The following GDNF variants were observed in gnomAD, a reference collection of about 807,000 sequenced individuals.
GDNF encodes glial cell derived neurotrophic factor.
A neutral mutation model predicts 13.7 loss-of-function variants in GDNF; 5 were observed. The ratio of observed to expected loss-of-function variants is 0.36; its 90% CI spans 0.19 to 0.77. The LOEUF (loss-of-function observed/expected upper bound fraction) is 0.77, where lower values mean the gene tolerates loss of function less well. GDNF is among the 30% of genes least tolerant of loss of function. The pLI is 0.51. For missense variants in GDNF, 246 were observed against 274.3 expected, an observed-to-expected ratio of 0.90 and a Z score of 0.73; for synonymous variants, 122 against 112.5, an observed-to-expected ratio of 1.08 and a Z score of -0.53.
chr5:37,816,226 A>C, intron 2 of GDNF, 91 bp from the exon 3 acceptor site: 1 of 1,318,160 alleles, frequency 7.6e-7, no homozygotes, highest in South Asian at 1.2e-5. Context: ...AAAGTCAGCA[A>C]AAATTGGACC....
In GDNF at chr5:37,812,679, A is replaced by T. The variant is rs1358022324; in HGVS notation, c.*2972T>A. Reference sequence around the variant, plus strand: ...AAGGAAGTACAGAAGTACAGAGAGCAATAGAAATGAGTTTTTATTTGTAAA... The same window carrying T: ...AAGGAAGTACAGAAGTACAGAGAGCTATAGAAATGAGTTTTTATTTGTAAA... On this transcript the variant is annotated 3_prime_UTR_variant, in exon 3 of 3. Transcript: ENST00000326524. 1 of 152,244 alleles carries T rather than the reference A, an allele frequency of 6.6e-6. No individual in the cohort carries two copies. Among genetic ancestry groups the T allele is most frequent in the Non-Finnish European group, 1.5e-5 (1 of 68,058 alleles). The allele number at this position is 152,244 out of a possible 1,614,324, so 9.4% of individuals were successfully genotyped here.
intron 2 of GDNF, among the ~76,000 whole-genome samples, chr5:37,833,156 A>G (rs760125653): frequency 6.6e-6 from 1 of 152,232 alleles, no homozygotes; most frequent in Non-Finnish European, 1.5e-5. Flanking sequence ...AATCAGGCAC[A>G]GTCATTTTTC....
intron 2 of GDNF, among the ~76,000 whole-genome samples, chr5:37,822,384 C>A (rs1235246826): frequency 2.0e-5 from 3 of 152,188 alleles, no homozygotes; most frequent in Non-Finnish European, 4.4e-5. Context: ...AGGGTGAGGG[C>A]TAATGGGACC....
Position 37,815,954 on chromosome 5 carries a change from C to T in GDNF, c.333G>A (p.Gln111=). 1 of 1,614,172 alleles carries T rather than the reference C, an allele frequency of 6.2e-7. No homozygotes were observed. Among genetic ancestry groups the T allele is most frequent in the Non-Finnish European group, 8.5e-7 (1 of 1,180,012 alleles). The change falls in exon 3 of 3, where the codon CAG becomes CAA. Residue 111 remains glutamine, a synonymous_variant. Transcript: ENST00000326524. The surrounding 1 kb of genome is among the most constrained non-coding windows in gnomAD (Gnocchi z 5.0). Reference sequence around the variant, plus strand: ...AGACACAACCCCGGTTTTTGCCCCTCTGGCCTCTCCGACCTTTTCCTCTGG... The same window carrying T: ...AGACACAACCCCGGTTTTTGCCCCTTTGGCCTCTCCGACCTTTTCCTCTGG... ...ENSRGKGRRG[Q]RGKNRGCVLT...
chr5:37,830,927 C>A (rs1053970901), intron 2 of GDNF, among the ~76,000 whole-genome samples: 1 of 152,174 alleles, frequency 6.6e-6, no homozygotes, highest in Admixed American at 6.5e-5. Flanking sequence ...GTTCTGTGCC[C>A]TCCTTTTGCA....
Position 37,838,588 on chromosome 5 carries a change from G to A in GDNF, c.-27+919C>T, listed in dbSNP as rs1750789967. 6.6e-6 allele frequency among the ~76,000 whole-genome samples: 1 copy of A among 152,212 alleles called. No individual in the cohort carries two copies. The highest frequency in any genetic ancestry group is 2.4e-5 in the African/African-American group (1 of 41,454). ...GGGCGCGCACATGGGTCCTGGCGGCGGATTCTACCAAAGCCGAAACTAGCT... is the reference window on the plus strand; with the variant it reads ...GGGCGCGCACATGGGTCCTGGCGGCAGATTCTACCAAAGCCGAAACTAGCT... On this transcript the variant is annotated intron_variant, in intron 1 of 2. Coordinates refer to ENST00000326524, the MANE Select transcript of GDNF (RefSeq NM_000514.4). This position sits in a 1 kb window ranked among gnomAD's most constrained non-coding sequence, Gnocchi z 4.1.
At position 37,838,504 on chromosome 5, in the gene GDNF, C is replaced by T. The variant is rs1750786817; in HGVS notation, c.-27+1003G>A. 6.6e-6 allele frequency among the ~76,000 whole-genome samples: 1 copy of T among 152,220 alleles called. No homozygotes were observed. The highest frequency in any genetic ancestry group is 6.5e-5 in the Admixed American group (1 of 15,286). On this transcript the variant is annotated intron_variant, in intron 1 of 2. Transcript: ENST00000326524. The surrounding 1 kb of genome is among the most constrained non-coding windows in gnomAD (Gnocchi z 4.1). ...TCCGCAGCAGGGGCCGGAAGAGTTGCCTTTGTCCCCGCCTATGAGCAGAAG... is the reference window on the plus strand; with the variant it reads ...TCCGCAGCAGGGGCCGGAAGAGTTGTCTTTGTCCCCGCCTATGAGCAGAAG...
At chr5:37,825,022 A>C (rs923693143) in intron 2 of GDNF, among the ~76,000 whole-genome samples, 6 of 152,242 alleles carry the variant, frequency 3.9e-5, no homozygotes, top group Non-Finnish European at 8.8e-5. Context: ...CAGAATGCAA[A>C]TCACTTTAGA....
chr5:37,836,446 T>C (rs922486438), intron 1 of GDNF, among the ~76,000 whole-genome samples: 4 of 152,182 alleles, frequency 2.6e-5, no homozygotes, highest in Admixed American at 6.5e-5. Flanking sequence ...TTGTTCGCTA[T>C]GCAGCTGTTG....
chr5:37,835,607 G>A, intron 1 of GDNF: 1 of 1,536,634 alleles, frequency 6.5e-7, no homozygotes, highest in Middle Eastern at 1.7e-4. Flanking sequence ...AGCGGAACAT[G>A]TAGTAAGAGC....
chr5:37,835,651 G>T (rs754308693), intron 1 of GDNF: 2 of 1,550,436 alleles, frequency 1.3e-6, no homozygotes, highest in Non-Finnish European at 1.7e-6. Flanking sequence ...GTTAGGCAAA[G>T]ACTGCATTTG....
intron 2 of GDNF, among the ~76,000 whole-genome samples, chr5:37,831,764 C>G (rs1436658854): frequency 6.6e-6 from 1 of 152,208 alleles, no homozygotes; most frequent in Middle Eastern, 3.2e-3. Context: ...TTTCAACTTG[C>G]AGATTCCTCA....
At chr5:37,835,793 G>A in intron 1 of GDNF, 1 of 762,868 alleles carries the variant, frequency 1.3e-6, no homozygotes, top group Non-Finnish European at 2.3e-6. Context: ...CCCCCGTCAC[G>A]CCTGGACGAC....
At chr5:37,835,821 G>A in intron 1 of GDNF, 1 of 681,494 alleles carries the variant, frequency 1.5e-6, no homozygotes, top group Non-Finnish European at 2.7e-6. Flanking sequence ...AGTCTCGGAC[G>A]CTTTGGAGGT....
At chr5:37,834,888 G>C in intron 1 of GDNF, 66 bp from the exon 2 acceptor site, 11 of 1,447,386 alleles carry the variant, frequency 7.6e-6, no homozygotes, top group Non-Finnish European at 1.1e-5. Flanking sequence ...GGCTCCCTGC[G>C]GGTCCCTGCG....
rs1411830007 is a variant in GDNF at position 37,839,162 on chromosome 5, C to G, written c.-27+345G>C. On this transcript the variant is annotated intron_variant, in intron 1 of 2. Transcript: ENST00000326524. The surrounding 1 kb of genome is among the most constrained non-coding windows in gnomAD (Gnocchi z 5.5). ...GACGGCGGTGGGTTCGAAGATGACCCAAGCCCTGAATCGTTCTGTGACTTG... is the reference window on the plus strand; with the variant it reads ...GACGGCGGTGGGTTCGAAGATGACCGAAGCCCTGAATCGTTCTGTGACTTG... Among the ~76,000 whole-genome samples the G allele has an allele frequency of 2.0e-5, 3 of 152,324 alleles. No individual in the cohort carries two copies. The highest frequency in any genetic ancestry group is 7.2e-5 in the African/African-American group (3 of 41,584).
rs75624956 is a variant in GDNF at position 37,837,994 on chromosome 5, GTT to G, written c.-27+1511_-27+1512del. Among the ~76,000 whole-genome samples, 14,252 of 125,268 alleles carry G rather than the reference GTT, an allele frequency of 0.11. 758 individuals carry two copies. Among genetic ancestry groups the G allele is most frequent in the Non-Finnish European group, 0.14 (8,204 of 60,024 alleles). 82.2% of individuals were successfully genotyped at this position (125,268 alleles called of 152,430 possible). ...GGGAGACGGGTTTGCTATAAACTCG[GTT>G]TTTTTTTTTTTTTTTTTGGCGGGGG... On this transcript the variant is annotated intron_variant, in intron 1 of 2. Transcript: ENST00000326524. This position sits in a 1 kb window ranked among gnomAD's most constrained non-coding sequence, Gnocchi z 6.5.
chr5:37,835,546 C>T (rs1180106291), intron 1 of GDNF: 4 of 1,470,068 alleles, frequency 2.7e-6, no homozygotes, highest in African/African-American at 2.8e-5. Flanking sequence ...ATTTAAAATA[C>T]TCCTCCCACC....
rs921519182 is a variant in GDNF, at chr5:37,834,671, G to T, written c.126C>A (p.Arg42=). ...AGTCACTGCTCAGCGCGAAGGGCGCGCGGCGGCGGCCGAGGGAGCGGTCTT... is the reference window on the plus strand; with the variant it reads ...AGTCACTGCTCAGCGCGAAGGGCGCTCGGCGGCGGCCGAGGGAGCGGTCTT... ...PAEDRSLGRR[R]APFALSSDSN... is the part of the protein sequence containing the mutation. The change falls in exon 2 of 3, where the codon CGC becomes CGA. Residue 42 remains arginine, a synonymous_variant. Coordinates refer to ENST00000326524, the MANE Select transcript of GDNF (RefSeq NM_000514.4). 3.1e-6 allele frequency: 5 copies of T among 1,604,400 alleles called. No individual in the cohort carries two copies. In the African/African-American group the frequency reaches 6.7e-5, roughly 22 times the overall value.
Sources: gnomAD v4.1 joint callset for allele counts (sites outside exome capture counted in the v4.1 genomes callset) on GRCh38, gnomAD v4.1.1 for gene constraint, Gnocchi (gnomAD v3.1) non-coding constraint, MANE v1.5 for transcripts, NCBI Gene and HGNC (gene_info 2026-07-23, HGNC 2026-07-21) for gene names.